ATXN10: variants seen among roughly 807,000 people sequenced by gnomAD.
The protein encoded by ATXN10 is ataxin 10, also known as ataxin-10.
A neutral mutation model predicts 52.9 loss-of-function variants in ATXN10; 28 were observed. That is an observed-to-expected ratio of 0.53 (90% CI 0.39 to 0.73). The LOEUF (loss-of-function observed/expected upper bound fraction) is 0.73. Ranked by LOEUF, ATXN10 falls within the 30% of genes least tolerant of loss-of-function variation. The pLI, the probability that ATXN10 is intolerant of heterozygous loss-of-function variation, is 0.00. For synonymous variants in ATXN10, 226 were observed against 221.5 expected, an observed-to-expected ratio of 1.02 and a Z score of -0.18; for missense variants, 565 against 577.0, an observed-to-expected ratio of 0.98 and a Z score of 0.21.
At chr22:45,810,784 T>G (rs1162582142) in intron 10 of ATXN10, among the ~76,000 whole-genome samples, 1 of 152,244 alleles carries the variant, frequency 6.6e-6, no homozygotes, top group Non-Finnish European at 1.5e-5. Context: ...ACTCGTGGAT[T>G]ATTAGAAATT....
At chr22:45,778,447 C>T (rs1453364094) in intron 9 of ATXN10, among the ~76,000 whole-genome samples, 1 of 152,130 alleles carries the variant, frequency 6.6e-6, no homozygotes, top group African/African-American at 2.4e-5. Context: ...TATATGATAC[C>T]TGTAAAGCAT....
At chr22:45,812,405 A>G (rs1032418526) in intron 10 of ATXN10, among the ~76,000 whole-genome samples, 1 of 152,224 alleles carries the variant, frequency 6.6e-6, no homozygotes, top group African/African-American at 2.4e-5. Context: ...GGAATGAACA[A>G]ATAAATGAGC....
At chr22:45,804,857 T>A (rs1304895326) in intron 9 of ATXN10, among the ~76,000 whole-genome samples, 1 of 152,230 alleles carries the variant, frequency 6.6e-6, no homozygotes, top group Non-Finnish European at 1.5e-5. Context: ...TTATTTGTTT[T>A]TGGTTTAACC....
chr22:45,802,583 G>A (rs541676640), intron 9 of ATXN10, among the ~76,000 whole-genome samples: 20 of 152,286 alleles, frequency 1.3e-4, no homozygotes, highest in African/African-American at 2.9e-4. Flanking sequence ...TGTTGTAAAC[G>A]TTTAATGAAC....
intron 10 of ATXN10, among the ~76,000 whole-genome samples, chr22:45,822,684 C>G (rs1255071307): frequency 6.6e-6 from 1 of 151,972 alleles, no homozygotes; most frequent in Non-Finnish European, 1.5e-5. Context: ...GTGCCCGCCA[C>G]CACACCTGGC....
chr22:45,835,539 A>G lies in ATXN10; in HGVS notation c.1238-7452A>G, dbSNP rs1295972924. Among the ~76,000 whole-genome samples, 1 of 152,220 alleles carries G rather than the reference A, an allele frequency of 6.6e-6. No individual in the cohort carries two copies. The highest frequency in any genetic ancestry group is 1.5e-5 in the Non-Finnish European group (1 of 68,030). On this transcript the variant is annotated intron_variant, in intron 10 of 11. Coordinates refer to ENST00000252934, the MANE Select transcript of ATXN10 (RefSeq NM_013236.4). This position sits in a 1 kb window ranked among gnomAD's most constrained non-coding sequence, Gnocchi z 5.0. ...ATGGGCCTTCGTTTCAGCATCTTTA[A>G]TAAAGTACTGATTTGGGTTATGCAC...
At chr22:45,741,108 G>A (rs1188564353) in intron 9 of ATXN10, among the ~76,000 whole-genome samples, 2 of 152,086 alleles carry the variant, frequency 1.3e-5, no homozygotes, top group East Asian at 1.9e-4. Flanking sequence ...GATTGATCTC[G>A]CCTTTCTGTA....
chr22:45,809,142 T>C (rs115061616), intron 10 of ATXN10, among the ~76,000 whole-genome samples: 1,570 of 152,326 alleles, frequency 0.01, 28 homozygotes, highest in African/African-American at 0.036. Context: ...AGATCTGAGC[T>C]ATAAATTAAA....
At chr22:45,714,306 A>G (rs1924364355) in intron 5 of ATXN10, among the ~76,000 whole-genome samples, 3 of 152,156 alleles carry the variant, frequency 2.0e-5, no homozygotes, top group African/African-American at 4.8e-5. Flanking sequence ...AGTATTTTCT[A>G]GATTAGGGAT....
chr22:45,725,083 G>C (rs917950129), intron 6 of ATXN10, among the ~76,000 whole-genome samples: 1 of 152,094 alleles, frequency 6.6e-6, no homozygotes, highest in Non-Finnish European at 1.5e-5. Flanking sequence ...TGAAGTTGGA[G>C]TAATGTGATG....
intron 4 of ATXN10, 63 bp downstream of exon 4, chr22:45,700,441 T>C: frequency 1.4e-6 from 2 of 1,380,090 alleles, no homozygotes; most frequent in South Asian, 1.2e-5. Context: ...TTTTCCATTT[T>C]ATATAAAGTT....
In ATXN10 at chr22:45,732,215, G is replaced by A. The variant is rs534607607; in HGVS notation, c.894+2625G>A. Among the ~76,000 whole-genome samples the A allele has an allele frequency of 2.0e-5, 3 of 152,244 alleles. No homozygotes were observed. The highest frequency in any genetic ancestry group is 2.1e-4 in the South Asian group (1 of 4,820). Reference sequence around the variant, plus strand: ...GCCCGTAATCCCAATACTTTGGGACGCCAAGGCGTGGGAGGATTGCTTAAG... The same window carrying A: ...GCCCGTAATCCCAATACTTTGGGACACCAAGGCGTGGGAGGATTGCTTAAG... On this transcript the variant is annotated intron_variant, in intron 7 of 11. Transcript: ENST00000252934. The surrounding 1 kb of genome is among the most constrained non-coding windows in gnomAD (Gnocchi z 4.5).
chr22:45,678,514 T>A lies in ATXN10; in HGVS notation c.116+6335T>A, dbSNP rs1922791612. Reference sequence around the variant, plus strand: ...GAGGGGATGTGTTTAAAATGTGAACTCCTCCCTCACTGCTATTTTTGTTTC... The same window carrying A: ...GAGGGGATGTGTTTAAAATGTGAACACCTCCCTCACTGCTATTTTTGTTTC... On this transcript the variant is annotated intron_variant, in intron 1 of 11. Coordinates refer to ENST00000252934, the MANE Select transcript of ATXN10 (RefSeq NM_013236.4). This position sits in a 1 kb window ranked among gnomAD's most constrained non-coding sequence, Gnocchi z 4.1. 2 of 152,180 alleles carry A rather than the reference T, an allele frequency of 1.3e-5. No homozygotes were observed. Among genetic ancestry groups the A allele is most frequent in the Non-Finnish European group, 2.9e-5 (2 of 68,028 alleles). The allele number at this position is 152,180 out of a possible 1,614,324, so 9.4% of individuals were successfully genotyped here.
At chr22:45,730,911 C>T (rs975572870) in intron 7 of ATXN10, among the ~76,000 whole-genome samples, 5 of 152,166 alleles carry the variant, frequency 3.3e-5, no homozygotes, top group African/African-American at 1.2e-4. Flanking sequence ...AAACTGCTTT[C>T]TAGACAGTTT....
chr22:45,700,253 ATTTAT>A (rs1249634488), intron 3 of ATXN10, 24 bp from the exon 4 acceptor site: 2 of 1,364,094 alleles, frequency 1.5e-6, no homozygotes, highest in Middle Eastern at 2.3e-4. Flanking sequence ...TCATTTATTT[ATTTAT>A]TTATAACTTT....
intron 9 of ATXN10, among the ~76,000 whole-genome samples, chr22:45,741,187 A>G (rs1047045051): frequency 6.6e-6 from 1 of 152,168 alleles, no homozygotes; most frequent in Non-Finnish European, 1.5e-5. Flanking sequence ...TTTCTGCCAG[A>G]TTATATTTTT....
rs572157959 is a variant in ATXN10, at chr22:45,730,931, C to T, written c.894+1341C>T. Among the ~76,000 whole-genome samples, 4 of 152,298 alleles carry T rather than the reference C, an allele frequency of 2.6e-5. No individual in the cohort carries two copies. The East Asian group carries it at 7.7e-4, about 29-fold the overall frequency. ...GCTTTCTAGACAGTTTGCTTCTTCT[C>T]TTCTTTATAGGAGATTCCTAGTGGT... On this transcript the variant is annotated intron_variant, in intron 7 of 11. Transcript: ENST00000252934.
At chr22:45,806,754 T>C (rs969837146) in intron 9 of ATXN10, among the ~76,000 whole-genome samples, 2 of 152,220 alleles carry the variant, frequency 1.3e-5, no homozygotes, top group Admixed American at 1.3e-4. Context: ...TATTTTTTTT[T>C]GAAGTCCAGT....
chr22:45,801,042 A>G (rs1391205018), intron 9 of ATXN10, among the ~76,000 whole-genome samples: 2 of 152,244 alleles, frequency 1.3e-5, no homozygotes, highest in Non-Finnish European at 2.9e-5. Context: ...AGAAGTAAAG[A>G]AAACGAAGCA....
Sources: gnomAD v4.1 joint callset for allele counts (sites outside exome capture counted in the v4.1 genomes callset) on GRCh38, gnomAD v4.1.1 for gene constraint, Gnocchi (gnomAD v3.1) non-coding constraint, MANE v1.5 for transcripts, NCBI Gene and HGNC (gene_info 2026-07-23, HGNC 2026-07-21) for gene names.